Variants in ARMC5 observed in about 807,000 individuals in gnomAD.
ARMC5 encodes armadillo repeat containing 5, also known as armadillo repeat-containing protein 5.
A neutral mutation model predicts 60.5 loss-of-function variants in ARMC5; 28 were observed. That is an observed-to-expected ratio of 0.46 (90% CI 0.34 to 0.63). The LOEUF is 0.63. Among genes scored for constraint, ARMC5 ranks in the 30% least tolerant of loss-of-function variants. The pLI is 0.01. For missense variants in ARMC5, 1,189 were observed against 1,304.9 expected (o/e 0.91, Z 1.37); for synonymous variants, 680 against 607.3 (o/e 1.12, Z -1.76).
upstream of ARMC5, chr16:31,459,303 T>G: frequency 6.5e-7 from 1 of 1,534,780 alleles, no homozygotes; most frequent in Non-Finnish European, 8.7e-7. Context: ...ATCTCCCTCA[T>G]GCACCGCCCG....
upstream of ARMC5, chr16:31,458,694 G>A: frequency 2.1e-5 from 30 of 1,455,684 alleles, no homozygotes; most frequent in Non-Finnish European, 2.7e-5. Flanking sequence ...ACACCAGGAA[G>A]GGCTGCTCAG....
In ARMC5 at chr16:31,464,337, C is replaced by A; in HGVS notation, c.1371-57C>A. 2.1e-5 allele frequency: 21 copies of A among 1,017,900 alleles called. No homozygotes were observed. Among genetic ancestry groups the A allele is most frequent in the Non-Finnish European group, 2.9e-5 (21 of 712,228 alleles). The allele number at this position is 1,017,900 out of a possible 1,614,324, so 63.1% of individuals were successfully genotyped here. ...AAAAAGACGCCTCACGCCTCTTGGA[C>A]TCTGCCCCTTAACCTTGGCTCTGGG... is the stretch of plus-strand genomic sequence containing the variant. On this transcript the variant is annotated intron_variant, in intron 3 of 5. Coordinates refer to ENST00000268314, the MANE Select transcript of ARMC5 (RefSeq NM_001105247.2). This position sits in a 1 kb window ranked among gnomAD's most constrained non-coding sequence, Gnocchi z 7.6.
chr16:31,466,165 C>G lies in ARMC5; in HGVS notation c.2084C>G (p.Pro695Arg). 6.2e-7 allele frequency: 1 copy of G among 1,610,022 alleles called. No individual in the cohort carries two copies. The highest frequency in any genetic ancestry group is 8.5e-7 in the Non-Finnish European group (1 of 1,179,862). Residue 695 changes from proline (P) to arginine (R), a missense_variant, in exon 6 of 6, where the codon CCG becomes CGG. By Grantham distance (103) the Pro-to-Arg change is moderately radical. Around this residue, in one of 2 missense-constraint regions of ARMC5, gnomAD observed 862 missense variants for 1,071.2 expected, o/e 0.80. Transcript: ENST00000268314. The surrounding 1 kb of genome is among the most constrained non-coding windows in gnomAD (Gnocchi z 8.0). Reference sequence around the variant, plus strand: ...GCGCTGACCCGGCCGGCCCCACACCCGCTCTTCCTCTTCTTTGCCGCGGAC... The same window carrying G: ...GCGCTGACCCGGCCGGCCCCACACCGGCTCTTCCTCTTCTTTGCCGCGGAC... Reference protein sequence around the residue: ...LAALTRPAPHPLFLFFAADSL... With the variant: ...LAALTRPAPHRLFLFFAADSL...
rs967091256 is a variant in ARMC5 at position 31,459,570 on chromosome 16, C to T, written c.46C>T (p.Leu16Phe). The change falls in exon 1 of 6, where the codon CTC becomes TTC. Residue 16 changes from leucine (L) to phenylalanine (F), a missense_variant. Leu to Phe is a conservative substitution (Grantham distance 22). This residue lies in a region of ARMC5 where 327 missense variants were observed against 233.7 expected (regional missense o/e 1.40). Transcript: ENST00000268314. ...CCTCACGGACTCGCTCTCGTTCTGC[C>T]TCGCGCAGCTCGCGGCGGCGGCCGG... is the stretch of plus-strand genomic sequence containing the variant. ...PTLTDSLSFCLAQLAAAAGEA... is the reference protein window; with the variant it reads ...PTLTDSLSFCFAQLAAAAGEA... 6.2e-7 allele frequency: 1 copy of T among 1,604,738 alleles called. No homozygotes were observed. Among genetic ancestry groups the T allele is most frequent in the South Asian group, 1.1e-5 (1 of 90,614 alleles).
chr16:31,459,575 G>T lies in ARMC5; in HGVS notation c.51G>T (p.Ala17=), dbSNP rs773516160. Residue 17 remains alanine (A), a synonymous_variant, in exon 1 of 6, where the codon GCG becomes GCT. Transcript: ENST00000268314. ...CGGACTCGCTCTCGTTCTGCCTCGC[G>T]CAGCTCGCGGCGGCGGCCGGGGAGG... is the stretch of plus-strand genomic sequence containing the variant. ...TLTDSLSFCL[A]QLAAAAGEAL... The T allele has an allele frequency of 1.9e-6, 3 of 1,604,346 alleles. No homozygotes were observed. The highest frequency in any genetic ancestry group is 2.2e-5 in the South Asian group (2 of 90,632).
At chr16:31,460,123 C>A in intron 1 of ARMC5, 124 bp downstream of exon 1, 3 of 1,062,900 alleles carry the variant, frequency 2.8e-6, no homozygotes, top group East Asian at 2.5e-5. Flanking sequence ...TGGCGCATCG[C>A]TCCTGTTTCT....
Position 31,461,907 on chromosome 16 carries a change from A to T in ARMC5, c.476-15A>T. Reference sequence around the variant, plus strand: ...TAAGGGGTAGAACCCTCACAAGCCCAAACTGTCGTTGCAGTGACCATTCTT... The same window carrying T: ...TAAGGGGTAGAACCCTCACAAGCCCTAACTGTCGTTGCAGTGACCATTCTT... On this transcript the variant is annotated splice_polypyrimidine_tract_variant and intron_variant, in intron 1 of 5. Transcript: ENST00000268314. The T allele has an allele frequency of 6.2e-7, 1 of 1,611,784 alleles. No individual in the cohort carries two copies. The highest frequency in any genetic ancestry group is 1.1e-5 in the South Asian group (1 of 91,032).
chr16:31,464,568 C>G lies in ARMC5; in HGVS notation c.1545C>G (p.Ile515Met), dbSNP rs755530065. Residue 515 changes from isoleucine to methionine, a missense_variant, in exon 4 of 6, where the codon ATC becomes ATG. This residue lies in a region of ARMC5 where 862 missense variants were observed against 1,071.2 expected (regional missense o/e 0.80). Transcript: ENST00000268314. The surrounding 1 kb of genome is among the most constrained non-coding windows in gnomAD (Gnocchi z 7.6). ...RTPGRSPAAA[I>M]EEPWGREGPA... ...CGGGCCGCAGCCCCGCCGCCGCCAT[C>G]GAGGAGCCTTGGGGACGCGAAGGGC... is the stretch of plus-strand genomic sequence containing the variant. The G allele has an allele frequency of 1.1e-5, 18 of 1,583,996 alleles. No homozygotes were observed. Among genetic ancestry groups the G allele is most frequent in the Non-Finnish European group, 1.5e-5 (17 of 1,167,942 alleles).
Position 31,464,863 on chromosome 16 carries a change from C to T in ARMC5, c.1840C>T (p.Leu614Phe), listed in dbSNP as rs965127014. 3.7e-6 allele frequency: 6 copies of T among 1,600,558 alleles called. No homozygotes were observed. Among genetic ancestry groups the T allele is most frequent in the African/African-American group, 1.3e-5 (1 of 74,854 alleles). ...DWPAPRARPTLHSRHRELGER... is the reference protein window; with the variant it reads ...DWPAPRARPTFHSRHRELGER... ...GCCGGCACCACGTGCCCGGCCCACTCTCCACAGCCGGCACCGAGAGCTGGG... is the reference window on the plus strand; with the variant it reads ...GCCGGCACCACGTGCCCGGCCCACTTTCCACAGCCGGCACCGAGAGCTGGG... Residue 614 changes from leucine to phenylalanine, a missense_variant, in exon 4 of 6, where the codon CTC becomes TTC. By Grantham distance (22) the Leu-to-Phe change is conservative (BLOSUM62 0). Coordinates refer to ENST00000268314, the MANE Select transcript of ARMC5 (RefSeq NM_001105247.2). The surrounding 1 kb of genome is among the most constrained non-coding windows in gnomAD (Gnocchi z 7.6).
In ARMC5 at chr16:31,466,356, C is replaced by T. The variant is rs2082358993; in HGVS notation, c.2275C>T (p.Gln759Ter). Residue 759 changes from glutamine (Q) to a stop codon, truncating the protein, a stop_gained, in exon 6 of 6, where the codon CAG becomes TAG. Coordinates refer to ENST00000268314, the MANE Select transcript of ARMC5 (RefSeq NM_001105247.2). LOFTEE classifies it high-confidence loss of function. This position sits in a 1 kb window ranked among gnomAD's most constrained non-coding sequence, Gnocchi z 8.0. ...GCACTTCCTGCTGGACTCAGGCCTC[C>T]AGCTCCCTGCCCAGCGAGCGGCCTC... ...DLHFLLDSGL[Q>*]LPAQRAASAT... The T allele has an allele frequency of 6.2e-7, 1 of 1,613,342 alleles. No homozygotes were observed. Among genetic ancestry groups the T allele is most frequent in the Non-Finnish European group, 8.5e-7 (1 of 1,179,888 alleles).
upstream of ARMC5, chr16:31,458,965 C>G: frequency 6.5e-7 from 1 of 1,535,616 alleles, no homozygotes; most frequent in South Asian, 1.2e-5. Flanking sequence ...GAAGCGGCAG[C>G]GAACGTTCTC....
upstream of ARMC5, chr16:31,459,253 C>A (rs1304469739): frequency 6.5e-6 from 10 of 1,533,470 alleles, no homozygotes; most frequent in Non-Finnish European, 7.8e-6. Context: ...GAGTTTCCAG[C>A]GCTTCCCGAG....
rs534484612 is a variant in ARMC5 at position 31,465,046 on chromosome 16, C to G, written c.1864+159C>G. The G allele has an allele frequency of 4.3e-6, 7 of 1,613,740 alleles. 1 individual carries two copies. In the South Asian group the frequency reaches 6.6e-5, roughly 15 times the overall value. ...AGAGTGGGGTGGGGAGCAGGGCGTT[C>G]CAGTCCCTCCATGGGCCCACAGGCA... is the stretch of plus-strand genomic sequence containing the variant. On this transcript the variant is annotated intron_variant, in intron 4 of 5. Transcript: ENST00000268314.
In ARMC5 at chr16:31,465,913, C is replaced by G; in HGVS notation, c.1928C>G (p.Thr643Arg). Residue 643 changes from threonine to arginine, a missense_variant, in exon 5 of 6, where the codon ACG (threonine) becomes AGG (arginine). By Grantham distance (71) the Thr-to-Arg change is moderately conservative (BLOSUM62 -1). Coordinates refer to ENST00000268314, the MANE Select transcript of ARMC5 (RefSeq NM_001105247.2). ...TCGCCCTTTGGGGTTGGGGCCCTGA[C>G]GCACCTGCTGCTCTCTGGGAGCCCT... ...AESPFGVGALTHLLLSGSPED... is the reference protein window; with the variant it reads ...AESPFGVGALRHLLLSGSPED... The G allele has an allele frequency of 6.2e-7, 1 of 1,608,780 alleles. No homozygotes were observed. The highest frequency in any genetic ancestry group is 8.5e-7 in the Non-Finnish European group (1 of 1,179,844).
In ARMC5 at chr16:31,467,152, A is replaced by G; in HGVS notation, c.*263A>G. 7.5e-6 allele frequency: 3 copies of G among 397,398 alleles called. No homozygotes were observed. Among genetic ancestry groups the G allele is most frequent in the Non-Finnish European group, 1.3e-5 (3 of 224,502 alleles). 24.6% of individuals were successfully genotyped at this position (397,398 alleles called of 1,614,324 possible). A position where few individuals can be genotyped will look rare whatever the true frequency, so the allele number is the denominator to read the frequency against. The stretch of plus-strand genomic sequence containing the variant: ...TAGACCTCTGGAATTGAGATTAAAC[A>G]ATTTGGAGTTGGATACCTGTGTTGT... On this transcript the variant is annotated 3_prime_UTR_variant, in exon 6 of 6. Coordinates refer to ENST00000268314, the MANE Select transcript of ARMC5 (RefSeq NM_001105247.2).
At chr16:31,459,136 AGGC>A (rs1243119098), upstream of ARMC5, 5 of 1,491,188 alleles carry the variant, frequency 3.4e-6, no homozygotes, top group East Asian at 1.2e-4. Context: ...AGAGGAGAAA[AGGC>A]GGTCCCCGCC....
upstream of ARMC5, chr16:31,458,874 G>C (rs765384013): frequency 5.7e-5 from 88 of 1,535,486 alleles, no homozygotes; most frequent in Admixed American, 5.5e-4. Flanking sequence ...CTGAGCTCAC[G>C]AGCACGTCCA....
chr16:31,465,499 C>T (rs1378927768), intron 4 of ARMC5: 3 of 834,034 alleles, frequency 3.6e-6, no homozygotes, highest in Non-Finnish European at 3.4e-6. Context: ...TTACTACAAA[C>T]TAATGATTAA....
chr16:31,458,450 G>A, upstream of ARMC5: 1 of 1,535,760 alleles, frequency 6.5e-7, no homozygotes. Context: ...ACCCAGTGGT[G>A]CTTAACCAGA....
Sources: allele counts gnomAD v4.1 joint callset, GRCh38; gene constraint gnomAD v4.1.1; regional missense constraint gnomAD v4.1.1; non-coding constraint Gnocchi (gnomAD v3.1); transcripts MANE v1.5; gene names NCBI Gene and HGNC (gene_info 2026-07-23, HGNC 2026-07-21).